The following SCFD2 variants were observed in gnomAD, a reference collection of about 807,000 sequenced individuals.
SCFD2 encodes sec1 family domain-containing protein 2.
SCFD2 carries 54 observed loss-of-function variants against 58.9 expected under a neutral mutation model. That is an observed-to-expected ratio of 0.92 (90% CI 0.74 to 1.15). SCFD2 has a LOEUF of 1.15. Among genes scored for constraint, SCFD2 ranks in the 50% most tolerant of loss-of-function variants. The probability of loss-of-function intolerance (pLI) is 0.00; values close to 1 mark genes in which losing one functional copy is unlikely to be tolerated. For synonymous variants in SCFD2, 321 were observed against 335.9 expected (o/e 0.96, Z 0.49); for missense variants, 805 against 836.6 (o/e 0.96, Z 0.47).
intron 5 of SCFD2, among the ~76,000 whole-genome samples, chr4:53,094,057 T>G (rs906549966): frequency 3.3e-5 from 5 of 152,254 alleles, no homozygotes; most frequent in African/African-American, 1.2e-4. Context: ...GGATGTAGGT[T>G]TAAGACCACT....
intron 4 of SCFD2, among the ~76,000 whole-genome samples, chr4:53,266,811 A>C (rs542293478): frequency 6.6e-6 from 1 of 152,338 alleles, no homozygotes; most frequent in East Asian, 1.9e-4. Context: ...AGAGAGAAAA[A>C]AGGAGTCATG....
intron 3 of SCFD2, among the ~76,000 whole-genome samples, chr4:53,295,358 C>G (rs1462074893): frequency 6.6e-6 from 1 of 152,110 alleles, no homozygotes; most frequent in African/African-American, 2.4e-5. Context: ...TCCTTCAAAT[C>G]CCTTGCAAGT....
intron 5 of SCFD2, among the ~76,000 whole-genome samples, chr4:53,046,968 G>A (rs1002099154): frequency 1.3e-5 from 2 of 152,104 alleles, no homozygotes; most frequent in East Asian, 3.9e-4. Context: ...CACTGTGCCC[G>A]ACCAAAGCTA....
chr4:53,234,938 G>T (rs1363649812), intron 4 of SCFD2, among the ~76,000 whole-genome samples: 5 of 152,230 alleles, frequency 3.3e-5, no homozygotes, highest in Non-Finnish European at 5.9e-5. Flanking sequence ...TCCTGGGCTG[G>T]TATGGTGTTT....
intron 5 of SCFD2, among the ~76,000 whole-genome samples, chr4:53,011,772 G>C (rs1722098526): frequency 6.6e-6 from 1 of 152,216 alleles, no homozygotes; most frequent in Non-Finnish European, 1.5e-5. Flanking sequence ...TGGGTTACAA[G>C]TTTGGTCTGC....
At chr4:53,049,048 T>C (rs1319416008) in intron 5 of SCFD2, among the ~76,000 whole-genome samples, 3 of 152,200 alleles carry the variant, frequency 2.0e-5, no homozygotes, top group African/African-American at 4.8e-5. Flanking sequence ...TGTGTGAGAA[T>C]TGGAAAACGT....
At chr4:53,047,269 G>A (rs1723065033) in intron 5 of SCFD2, among the ~76,000 whole-genome samples, 1 of 152,064 alleles carries the variant, frequency 6.6e-6, no homozygotes, top group Non-Finnish European at 1.5e-5. Context: ...GCAACATAGT[G>A]AGACCCAGAC....
chr4:53,332,209 T>C (rs547147282), intron 2 of SCFD2, among the ~76,000 whole-genome samples: 197 of 150,364 alleles, frequency 1.3e-3, no homozygotes, highest in Non-Finnish European at 1.9e-3. Flanking sequence ...ACTATTCCAA[T>C]CAATAGAAAA....
chr4:53,077,420 G>A (rs951598353), intron 5 of SCFD2, among the ~76,000 whole-genome samples: 3 of 151,830 alleles, frequency 2.0e-5, no homozygotes, highest in Non-Finnish European at 2.9e-5. Flanking sequence ...ATCTTTCCTG[G>A]ACTCATGAAC....
At chr4:53,261,423 G>C (rs150068532) in intron 4 of SCFD2, among the ~76,000 whole-genome samples, 1 of 152,020 alleles carries the variant, frequency 6.6e-6, no homozygotes, top group African/African-American at 2.4e-5. Flanking sequence ...GTTTTGATAG[G>C]TTGTGTCACT....
rs1726296485 is a variant in SCFD2 at position 53,145,392 on chromosome 4, GC to G, written c.1501del (p.Ala501HisfsTer28). On this transcript the variant is annotated frameshift_variant, in exon 5 of 9. Transcript: ENST00000401642. LOFTEE classifies it high-confidence loss of function. ...TTCCTCACAGAAGACCTGAGCCAAT[GC>G]TTTCTTGACTTTTTCTTCTGCTTCA... ...LCEAEEKVKK[A>X]LAQVFCEESG... The G allele has an allele frequency of 6.2e-7, 1 of 1,614,142 alleles. No homozygotes were observed. The highest frequency in any genetic ancestry group is 1.3e-5 in the African/African-American group (1 of 75,036).
At chr4:53,060,970 T>G (rs1312158972) in intron 5 of SCFD2, among the ~76,000 whole-genome samples, 1 of 152,194 alleles carries the variant, frequency 6.6e-6, no homozygotes, top group Non-Finnish European at 1.5e-5. Context: ...GAATTCATCC[T>G]GTAATTTTCT....
At chr4:53,343,286 A>G (rs1733944071) in intron 2 of SCFD2, among the ~76,000 whole-genome samples, 2 of 152,204 alleles carry the variant, frequency 1.3e-5, no homozygotes, top group Admixed American at 1.3e-4. Context: ...CACCAATCCC[A>G]CAGAAATACA....
intron 5 of SCFD2, among the ~76,000 whole-genome samples, chr4:53,010,110 C>T (rs945709606): frequency 1.3e-5 from 2 of 152,150 alleles, no homozygotes; most frequent in African/African-American, 2.4e-5. Context: ...CACATGATAA[C>T]TGAGTCCTCA....
chr4:53,046,387 T>C (rs946330553), intron 5 of SCFD2, among the ~76,000 whole-genome samples: 3 of 152,020 alleles, frequency 2.0e-5, no homozygotes, highest in African/African-American at 7.2e-5. Context: ...CTAATTTCTG[T>C]ACTTTTTTGT....
chr4:53,357,768 A>G (rs545282442), intron 1 of SCFD2, among the ~76,000 whole-genome samples: 17 of 152,368 alleles, frequency 1.1e-4, no homozygotes, highest in African/African-American at 3.8e-4. Context: ...GCACTAAAGC[A>G]GCACTGGAGT....
At chr4:53,347,794 T>C (rs1038604275) in intron 2 of SCFD2, among the ~76,000 whole-genome samples, 2 of 152,104 alleles carry the variant, frequency 1.3e-5, no homozygotes, top group Non-Finnish European at 1.5e-5. Context: ...TGTAGGCCAT[T>C]GTGAGGTCTT....
intron 4 of SCFD2, among the ~76,000 whole-genome samples, chr4:53,251,349 T>C (rs1372540905): frequency 1.3e-5 from 2 of 151,852 alleles, no homozygotes; most frequent in East Asian, 1.9e-4. Flanking sequence ...TTCCAATCAA[T>C]AGAAAAAGAG....
At chr4:53,132,869 G>C (rs1188100585) in intron 5 of SCFD2, among the ~76,000 whole-genome samples, 1 of 152,164 alleles carries the variant, frequency 6.6e-6, no homozygotes, top group Non-Finnish European at 1.5e-5. Flanking sequence ...CCTGAAAACT[G>C]TCTTTCAACT....
Sources: allele counts gnomAD v4.1 joint callset (sites outside exome capture counted in the v4.1 genomes callset), GRCh38; gene constraint gnomAD v4.1.1; transcripts MANE v1.5; gene names NCBI Gene and HGNC (gene_info 2026-07-23, HGNC 2026-07-21).